The following RPS7 variants were observed in gnomAD, a reference collection of about 807,000 sequenced individuals.
RPS7 encodes small ribosomal subunit protein eS7.
RPS7 carries 1 observed loss-of-function variant against 22.1 expected under a neutral mutation model. The observed-to-expected ratio is 0.05, with a 90% CI of 0.02 to 0.21. The LOEUF is 0.21. Among genes scored for constraint, RPS7 ranks in the 10% least tolerant of loss-of-function variants. The pLI, the probability that RPS7 is intolerant of heterozygous loss-of-function variation, is 1.00. For missense variants in RPS7, 137 were observed against 246.4 expected (o/e 0.56, Z 2.97); for synonymous variants, 80 against 92.0 (o/e 0.87, Z 0.74).
At chr2:3,577,360 T>A in intron 4 of RPS7, 1 of 242,784 alleles carries the variant, frequency 4.1e-6, no homozygotes, top group African/African-American at 2.3e-5. Context: ...CCTGTTACAG[T>A]TCGGATGGGG....
At chr2:3,575,498 G>C in intron 1 of RPS7, 94 bp from the exon 2 acceptor site, 1 of 803,676 alleles carries the variant, frequency 1.2e-6, no homozygotes, top group Non-Finnish European at 2.1e-6. Context: ...GGCTTCTGCG[G>C]GGCGAGCGGG....
rs964470394 is a variant in RPS7 at position 3,576,484 on chromosome 2, T to C, written c.148-3T>C. ...CACAGTGGATTTTTGTTTTTTTCTT[T>C]AGGAAATTGAAGTTGGTGGTGGTCG... On this transcript the variant is annotated splice_region_variant and splice_polypyrimidine_tract_variant and intron_variant, in intron 3 of 6. Transcript: ENST00000645674. 7 of 1,613,840 alleles carry C rather than the reference T, an allele frequency of 4.3e-6. No homozygotes were observed. The highest frequency in any genetic ancestry group is 5.9e-6 in the Non-Finnish European group (7 of 1,179,694).
rs371056451 is a variant in RPS7 at position 3,577,734 on chromosome 2, C to A, written c.316C>A (p.Arg106=). The change falls in exon 5 of 7, where the codon CGA becomes AGA. Residue 106 remains arginine (R), a synonymous_variant. Coordinates refer to ENST00000645674, the MANE Select transcript of RPS7 (RefSeq NM_001011.4). ...AQRRILPKPT[R]KSRTKNKQKR... is the part of the protein sequence containing the mutation. ...GAGGAGAATTCTGCCTAAGCCAACT[C>A]GAAAAAGCCGTACAAAAAATAAGCA... 2.5e-6 allele frequency: 4 copies of A among 1,612,778 alleles called. No homozygotes were observed. In the African/African-American group the frequency reaches 5.3e-5, roughly 22 times the overall value.
At chr2:3,578,711 T>C (rs944750285) in intron 5 of RPS7, 8 of 152,298 alleles carry the variant, frequency 5.3e-5, no homozygotes, top group South Asian at 2.1e-4. Flanking sequence ...AGGATTTTTT[T>C]CCCCTAAATC....
intron 5 of RPS7, 24 bp downstream of exon 5, chr2:3,577,798 A>G: frequency 6.8e-7 from 1 of 1,475,516 alleles, no homozygotes; most frequent in Non-Finnish European, 9.5e-7. Flanking sequence ...TAGTTTCAGA[A>G]ATGTGTGTAC....
chr2:3,577,594 C>G, intron 4 of RPS7, 116 bp from the exon 5 acceptor site: 1 of 762,736 alleles, frequency 1.3e-6, no homozygotes, highest in Non-Finnish European at 2.3e-6. Flanking sequence ...TTAGCCTTCT[C>G]GAACTTTGAA....
intron 4 of RPS7, chr2:3,576,948 TGACA>T (rs983695295): frequency 4.1e-4 from 155 of 376,220 alleles, no homozygotes; most frequent in African/African-American, 2.9e-3. Flanking sequence ...GTCTGTAAAG[TGACA>T]GACTGCTGTG....
chr2:3,575,354 G>A lies in RPS7; in HGVS notation c.-19+4G>A. The stretch of plus-strand genomic sequence containing the variant: ...TCCTAAGCCGGCGCTCGGCAAGGTA[G>A]GTTGGCGGCCTGCTCTCCGACAGAA... On this transcript the variant is annotated splice_donor_region_variant and intron_variant, in intron 1 of 6. Coordinates refer to ENST00000645674, the MANE Select transcript of RPS7 (RefSeq NM_001011.4). 1.8e-6 allele frequency: 1 copy of A among 544,818 alleles called. No individual in the cohort carries two copies. Among genetic ancestry groups the A allele is most frequent in the Non-Finnish European group, 3.2e-6 (1 of 308,054 alleles). The allele number at this position is 544,818 out of a possible 1,614,324, so 33.7% of individuals were successfully genotyped here.
chr2:3,575,543 A>G (rs1661254676), intron 1 of RPS7, 49 bp from the exon 2 acceptor site: 1 of 1,388,688 alleles, frequency 7.2e-7, no homozygotes, highest in South Asian at 1.2e-5. Context: ...AGGGCGAGCC[A>G]GCGGCGCCTG....
intron 5 of RPS7, chr2:3,579,494 A>G (rs1352321784): frequency 1.8e-5 from 3 of 162,304 alleles, no homozygotes; most frequent in Non-Finnish European, 4.1e-5. Flanking sequence ...TGAAACAAAG[A>G]ACCGTCTCTT....
chr2:3,576,383 G>A (rs2147819797), intron 3 of RPS7, 104 bp from the exon 4 acceptor site: 5 of 963,180 alleles, frequency 5.2e-6, no homozygotes, highest in Non-Finnish European at 8.5e-6. Context: ...TTAGTTTGTA[G>A]TGCAGCTACG....
Position 3,576,549 on chromosome 2 carries a change from A to G in RPS7, c.210A>G (p.Lys70=), listed in dbSNP as rs780267650. The change falls in exon 4 of 7, where the codon AAA becomes AAG. Residue 70 remains lysine, a synonymous_variant. Transcript: ENST00000645674. ...IIIFVPVPQL[K]SFQKIQVRLV... ...TCTTTGTTCCCGTTCCTCAACTGAA[A>G]TCTTTCCAGAAAATCCAAGTCCGGC... is the stretch of plus-strand genomic sequence containing the variant. The G allele has an allele frequency of 8.7e-6, 14 of 1,614,004 alleles. No individual in the cohort carries two copies. The highest frequency in any genetic ancestry group is 1.2e-5 in the Non-Finnish European group (14 of 1,179,852).
intron 4 of RPS7, chr2:3,576,831 G>C: frequency 1.4e-6 from 1 of 706,012 alleles, no homozygotes; most frequent in Non-Finnish European, 2.6e-6. Context: ...GATCACTGTA[G>C]AGACCAGCCT....
chr2:3,576,437 G>A, intron 3 of RPS7, 50 bp from the exon 4 acceptor site: 1 of 1,555,320 alleles, frequency 6.4e-7, no homozygotes, highest in Non-Finnish European at 8.9e-7. Context: ...TGACCACAAC[G>A]TTTACTTTCT....
chr2:3,577,834 G>GTT, intron 5 of RPS7, 60 bp downstream of exon 5: 1 of 1,143,474 alleles, frequency 8.7e-7, no homozygotes, highest in Non-Finnish European at 1.3e-6. Context: ...CTCTTAATTT[G>GTT]TTTAAGTTGT....
intron 5 of RPS7, 35 bp downstream of exon 5, chr2:3,577,809 CCCT>C (rs764456684): frequency 7.5e-7 from 1 of 1,334,484 alleles, no homozygotes; most frequent in African/African-American, 1.4e-5. Flanking sequence ...ATGTGTGTAC[CCCT>C]CTTATTAACA....
rs146970955 is a variant in RPS7, at chr2:3,579,444, C to T, written c.357-666C>T. On this transcript the variant is annotated intron_variant, in intron 5 of 6. Transcript: ENST00000645674. The stretch of plus-strand genomic sequence containing the variant: ...TATTGTTAGCTACTATGGGGTGAGA[C>T]GTAGACAGATAACCATATGTAAGGC... The T allele has an allele frequency of 1.0e-3, 165 of 158,578 alleles. 2 individuals are homozygous for T. The highest frequency in any genetic ancestry group is 3.8e-3 in the African/African-American group (156 of 41,204). 9.8% of individuals were successfully genotyped at this position (158,578 alleles called of 1,614,324 possible). A position where few individuals can be genotyped will look rare whatever the true frequency, so the allele number is the denominator to read the frequency against.
At chr2:3,580,741 CTA>C in intron 6 of RPS7, 62 bp from the exon 7 acceptor site, 2 of 1,014,630 alleles carry the variant, frequency 2.0e-6, no homozygotes, top group Non-Finnish European at 1.6e-6. Context: ...TTTCACGAAA[CTA>C]TTAGGTTTTA....
chr2:3,579,725 T>G, intron 5 of RPS7: 1 of 291,184 alleles, frequency 3.4e-6, no homozygotes, highest in South Asian at 3.8e-5. Flanking sequence ...GGGGTGGTTT[T>G]GGAGATGAGC....
Sources: gnomAD v4.1 joint callset for allele counts on GRCh38, gnomAD v4.1.1 for gene constraint, MANE v1.5 for transcripts, NCBI Gene and HGNC (gene_info 2026-07-23, HGNC 2026-07-21) for gene names.